The following NBEA variants were observed in gnomAD, a reference collection of about 807,000 sequenced individuals.
The protein encoded by NBEA is neurobeachin, also known as lysosomal-trafficking regulator 2.
A neutral mutation model predicts 343.4 loss-of-function variants in NBEA; 44 were observed. That is an observed-to-expected ratio of 0.13 (90% CI 0.10 to 0.16). The LOEUF is 0.16. Ranked by LOEUF, NBEA falls within the 10% of genes least tolerant of loss-of-function variation. NBEA has a pLI of 1.00. For synonymous variants in NBEA, 1,175 were observed against 1,238.7 expected, an observed-to-expected ratio of 0.95 and a Z score of 1.08; for missense variants, 2,555 against 3,631.3, an observed-to-expected ratio of 0.70 and a Z score of 7.62.
At chr13:34,974,956 ACAAT>A (rs1183507422) in intron 1 of NBEA, among the ~76,000 whole-genome samples, 9 of 152,196 alleles carry the variant, frequency 5.9e-5, no homozygotes, top group African/African-American at 2.2e-4. Context: ...ACTAGTTTTC[ACAAT>A]TTTTACCCGG....
intron 18 of NBEA, among the ~76,000 whole-genome samples, chr13:35,149,359 T>C (rs974955000): frequency 3.3e-5 from 5 of 152,198 alleles, no homozygotes; most frequent in Non-Finnish European, 5.9e-5. Context: ...GTACATTGTT[T>C]CAGATCTTAT....
In NBEA at chr13:35,467,968, C is replaced by G. The variant is rs1175784774; in HGVS notation, c.6449-4432C>G. The stretch of plus-strand genomic sequence containing the variant: ...AATTCCAATTTTAATTAAACTCCAA[C>G]TCTTTTTTTTCCATACGTAGTCTTT... On this transcript the variant is annotated intron_variant, in intron 40 of 58. Transcript: ENST00000379939. 2.6e-5 allele frequency among the ~76,000 whole-genome samples: 4 copies of G among 152,280 alleles called. No individual in the cohort carries two copies. The East Asian group carries it at 7.7e-4, about 29-fold the overall frequency.
intron 19 of NBEA, 105 bp from the exon 20 acceptor site, chr13:35,155,978 C>G: frequency 6.8e-7 from 1 of 1,476,716 alleles, no homozygotes; most frequent in Non-Finnish European, 9.3e-7. Context: ...ACAGTTTTAA[C>G]TCACCTTTTA....
chr13:35,029,633 A>C (rs1198286090), intron 1 of NBEA, among the ~76,000 whole-genome samples: 1 of 151,704 alleles, frequency 6.6e-6, no homozygotes, highest in Non-Finnish European at 1.5e-5. Flanking sequence ...AATAATGAAC[A>C]TTGAATTATT....
Position 35,144,945 on chromosome 13 carries a change from C to T in NBEA, c.2445+2568C>T, listed in dbSNP as rs1225185626. The stretch of plus-strand genomic sequence containing the variant: ...ATTAAAGGTCGAAGGAAGGAGGAAC[C>T]ATGTCACAGTTGGTAGGTATCCTTT... On this transcript the variant is annotated intron_variant, in intron 18 of 58. Coordinates refer to ENST00000379939, the MANE Select transcript of NBEA (RefSeq NM_001385012.1). 2.0e-5 allele frequency among the ~76,000 whole-genome samples: 3 copies of T among 152,234 alleles called. 1 individual carries two copies. Among genetic ancestry groups the T allele is most frequent in the African/African-American group, 7.2e-5 (3 of 41,542 alleles).
In NBEA at chr13:35,014,261, T is replaced by C. The variant is rs538352073; in HGVS notation, c.295-26672T>C. On this transcript the variant is annotated intron_variant, in intron 1 of 58. Transcript: ENST00000379939. Reference sequence around the variant, plus strand: ...ACAAGTTTTGAACAAGTGAATCTTCTCTTTTTCCTTTACCTCATCTGGTAA... The same window carrying C: ...ACAAGTTTTGAACAAGTGAATCTTCCCTTTTTCCTTTACCTCATCTGGTAA... Among the ~76,000 whole-genome samples, 10 of 152,310 alleles carry C rather than the reference T, an allele frequency of 6.6e-5. No homozygotes were observed. The East Asian group carries it at 1.2e-3, about 18-fold the overall frequency.
At chr13:35,535,278 A>G (rs2078479955) in intron 41 of NBEA, among the ~76,000 whole-genome samples, 1 of 152,228 alleles carries the variant, frequency 6.6e-6, no homozygotes, top group Non-Finnish European at 1.5e-5. Context: ...GTGTAGTTGA[A>G]GCATGAAGGT....
intron 47 of NBEA, among the ~76,000 whole-genome samples, chr13:35,603,348 C>A (rs372486827): frequency 2.0e-5 from 3 of 152,120 alleles, no homozygotes; most frequent in Non-Finnish European, 2.9e-5. Context: ...CAAAACTTTG[C>A]GTTTGCCCAG....
rs1487371864 is a variant in NBEA, at chr13:35,123,462, A to G, written c.2244-20A>G. On this transcript the variant is annotated intron_variant, in intron 16 of 58. Coordinates refer to ENST00000379939, the MANE Select transcript of NBEA (RefSeq NM_001385012.1). Reference sequence around the variant, plus strand: ...TTTAATATTAGTAAGTTTTTAAAAGATAATTTATATATTTTGTAGGGTGAT... The same window carrying G: ...TTTAATATTAGTAAGTTTTTAAAAGGTAATTTATATATTTTGTAGGGTGAT... 1 of 1,380,690 alleles carries G rather than the reference A, an allele frequency of 7.2e-7. No individual in the cohort carries two copies. The highest frequency in any genetic ancestry group is 9.7e-7 in the Non-Finnish European group (1 of 1,033,232). The allele number at this position is 1,380,690 out of a possible 1,614,324, so 85.5% of individuals were successfully genotyped here.
At chr13:35,541,797 G>A (rs2153005938) in intron 41 of NBEA, among the ~76,000 whole-genome samples, 1 of 151,392 alleles carries the variant, frequency 6.6e-6, no homozygotes, top group Non-Finnish European at 1.5e-5. Context: ...CAAAAAGGTA[G>A]GGAGTAATTG....
In NBEA at chr13:35,182,343, CTT is replaced by C; in HGVS notation, c.4663-14_4663-13del. ...CAAAAAGTTTGAGTGTTAAAACTGTCTTTTCATTTTTCATAGGATGATAGCAA... is the reference window on the plus strand; with the variant it reads ...CAAAAAGTTTGAGTGTTAAAACTGTCTTCATTTTTCATAGGATGATAGCAA... On this transcript the variant is annotated splice_polypyrimidine_tract_variant and intron_variant, in intron 28 of 58. Coordinates refer to ENST00000379939, the MANE Select transcript of NBEA (RefSeq NM_001385012.1). The C allele has an allele frequency of 6.3e-7, 1 of 1,586,200 alleles. No individual in the cohort carries two copies. The highest frequency in any genetic ancestry group is 8.5e-7 in the Non-Finnish European group (1 of 1,170,508).
intron 39 of NBEA, among the ~76,000 whole-genome samples, chr13:35,436,915 T>C (rs2045476177): frequency 6.6e-6 from 1 of 152,192 alleles, no homozygotes; most frequent in Non-Finnish European, 1.5e-5. Flanking sequence ...ATTTTCAACA[T>C]GTTGTCTACA....
At chr13:35,650,456 C>T (rs1034937141) in intron 52 of NBEA, among the ~76,000 whole-genome samples, 2 of 152,150 alleles carry the variant, frequency 1.3e-5, no homozygotes, top group African/African-American at 4.8e-5. Context: ...CATCTTGAAG[C>T]GACATAACGT....
At chr13:35,576,856 C>T (rs2080767471) in intron 45 of NBEA, among the ~76,000 whole-genome samples, 1 of 152,078 alleles carries the variant, frequency 6.6e-6, no homozygotes, top group Non-Finnish European at 1.5e-5. Flanking sequence ...TTTTGACAAT[C>T]TAGTTAATAA....
At chr13:35,219,450 A>G (rs1019210505) in intron 33 of NBEA, among the ~76,000 whole-genome samples, 3 of 152,166 alleles carry the variant, frequency 2.0e-5, no homozygotes, top group Admixed American at 1.3e-4. Flanking sequence ...CCAGTAGGGC[A>G]TGAGAATTTA....
At chr13:35,351,226 T>G (rs535469114) in intron 37 of NBEA, among the ~76,000 whole-genome samples, 60 of 152,120 alleles carry the variant, frequency 3.9e-4, no homozygotes, top group African/African-American at 1.4e-3. Flanking sequence ...GTGAACTACT[T>G]CTATTTATTT....
rs145650802 is a variant in NBEA, at chr13:35,282,351, G to C, written c.5777-8038G>C. Among the ~76,000 whole-genome samples, 7 of 152,116 alleles carry C rather than the reference G, an allele frequency of 4.6e-5. 1 individual carries two copies. The highest frequency in any genetic ancestry group is 1.7e-4 in the African/African-American group (7 of 41,442). ...TATTTCTTGAAATGATGTGTACATG[G>C]TTAAAACACATGTATCATTCTTAAT... On this transcript the variant is annotated intron_variant, in intron 34 of 58. Transcript: ENST00000379939.
chr13:34,990,683 T>A (rs542086645), intron 1 of NBEA, among the ~76,000 whole-genome samples: 1 of 139,024 alleles, frequency 7.2e-6, no homozygotes, highest in African/African-American at 2.5e-5. Flanking sequence ...AGCTCCTCTT[T>A]ACTTATGCAA....
At chr13:35,114,948 TTC>T (rs1430354131) in intron 13 of NBEA, among the ~76,000 whole-genome samples, 1 of 152,176 alleles carries the variant, frequency 6.6e-6, no homozygotes, top group Non-Finnish European at 1.5e-5. Flanking sequence ...TACACTAGCT[TTC>T]GTAGAACTAT....
Sources: allele counts gnomAD v4.1 joint callset (sites outside exome capture counted in the v4.1 genomes callset), GRCh38; gene constraint gnomAD v4.1.1; transcripts MANE v1.5; gene names NCBI Gene and HGNC (gene_info 2026-07-23, HGNC 2026-07-21).